The following TBC1D4 variants were observed in gnomAD, a reference collection of about 807,000 sequenced individuals.
TBC1D4 encodes TBC1 domain family member 4.
TBC1D4 carries 121 observed loss-of-function variants against 142.5 expected under a neutral mutation model. That is an observed-to-expected ratio of 0.85 (90% confidence interval 0.73 to 0.99). The LOEUF (loss-of-function observed/expected upper bound fraction) is 0.99. Among genes scored for constraint, TBC1D4 ranks in the 50% least tolerant of loss-of-function variants. The pLI, the probability that TBC1D4 is intolerant of heterozygous loss-of-function variation, is 0.00. For synonymous variants in TBC1D4, 630 were observed against 628.2 expected, an observed-to-expected ratio of 1.00 and a Z score of -0.04; for missense variants, 1,475 against 1,606.6, an observed-to-expected ratio of 0.92 and a Z score of 1.40.
Position 75,420,777 on chromosome 13 carries a change from G to A in TBC1D4, c.499-58170C>T, listed in dbSNP as rs141977281. Among the ~76,000 whole-genome samples the A allele has an allele frequency of 8.7e-3, 1,319 of 152,274 alleles. 24 individuals carry two copies. The highest frequency in any genetic ancestry group is 0.027 in the African/African-American group (1,129 of 41,544). On this transcript the variant is annotated intron_variant, in intron 1 of 20. Coordinates refer to ENST00000377636, the MANE Select transcript of TBC1D4 (RefSeq NM_014832.5). ...TAGTGGGGTACGCAGATGCAATGGG[G>A]ACAGGAAGAGAACAAGCAGTCCAAG...
Position 75,481,530 on chromosome 13 carries a change from G to C in TBC1D4, c.238C>G (p.Arg80Gly), listed in dbSNP as rs546086978. The change falls in exon 1 of 21, where the codon CGA becomes GGA. Residue 80 changes from arginine to glycine, a missense_variant. Around this residue, in one of 2 missense-constraint regions of TBC1D4, gnomAD observed 1,227 missense variants for 1,267.7 expected, o/e 0.97. Coordinates refer to ENST00000377636, the MANE Select transcript of TBC1D4 (RefSeq NM_014832.5). The stretch of plus-strand genomic sequence containing the variant: ...GCGCTGAGCACCAGGATCACCTCTC[G>C]GGCCGCCGGCGCCCCGCAGCCGCCC... ...EAGGCGAPAAREVILVLSAPF... is the reference protein window; with the variant it reads ...EAGGCGAPAAGEVILVLSAPF... 8.5e-5 allele frequency: 136 copies of C among 1,605,692 alleles called. No individual in the cohort carries two copies. The African/African-American group carries it at 1.0e-3, about 12-fold the overall frequency.
At chr13:75,357,361 T>C (rs1002086949) in intron 3 of TBC1D4, among the ~76,000 whole-genome samples, 7 of 152,122 alleles carry the variant, frequency 4.6e-5, no homozygotes, top group Admixed American at 3.9e-4. Flanking sequence ...TCCACACAGA[T>C]TAAATTTGCA....
chr13:75,404,748 A>T (rs1885249989), intron 1 of TBC1D4, among the ~76,000 whole-genome samples: 1 of 152,186 alleles, frequency 6.6e-6, no homozygotes, highest in African/African-American at 2.4e-5. Context: ...TTTTTTAAGT[A>T]TTTCACTAAA....
intron 12 of TBC1D4, among the ~76,000 whole-genome samples, chr13:75,313,368 T>C (rs1877973476): frequency 6.6e-6 from 1 of 152,238 alleles, no homozygotes; most frequent in African/African-American, 2.4e-5. Context: ...TGTCTCTGAA[T>C]GGTCAGCTAC....
Position 75,362,690 on chromosome 13 carries a change from G to T in TBC1D4, c.499-83C>A. On this transcript the variant is annotated intron_variant, in intron 1 of 20. Coordinates refer to ENST00000377636, the MANE Select transcript of TBC1D4 (RefSeq NM_014832.5). This position sits in a 1 kb window ranked among gnomAD's most constrained non-coding sequence, Gnocchi z 4.2. ...TACCTAGCCCAATTATTACCACATG[G>T]AATGTATTTTCATCCTAAATAATAT... The T allele has an allele frequency of 7.0e-7, 1 of 1,428,974 alleles. No individual in the cohort carries two copies. Among genetic ancestry groups the T allele is most frequent in the Non-Finnish European group, 9.8e-7 (1 of 1,024,660 alleles). 88.5% of individuals were successfully genotyped at this position (1,428,974 alleles called of 1,614,324 possible).
intron 1 of TBC1D4, among the ~76,000 whole-genome samples, chr13:75,390,217 T>A (rs943721001): frequency 3.8e-4 from 55 of 143,756 alleles, no homozygotes; most frequent in East Asian, 4.1e-4. Context: ...GAGGCAGAGG[T>A]TGCAGTGAGC....
intron 1 of TBC1D4, among the ~76,000 whole-genome samples, chr13:75,420,356 C>CA (rs201226256): frequency 2.0e-5 from 3 of 150,606 alleles, no homozygotes; most frequent in East Asian, 3.9e-4. Context: ...AAAATAGTTA[C>CA]AAAAAAAAAG....
At chr13:75,462,268 T>A (rs2138286873) in intron 1 of TBC1D4, among the ~76,000 whole-genome samples, 1 of 152,276 alleles carries the variant, frequency 6.6e-6, no homozygotes, top group African/African-American at 2.4e-5. Flanking sequence ...CAGATGCAAA[T>A]GTGTCCGAGG....
At chr13:75,329,969 T>C (rs577638804) in intron 8 of TBC1D4, among the ~76,000 whole-genome samples, 1 of 152,362 alleles carries the variant, frequency 6.6e-6, no homozygotes, top group Non-Finnish European at 1.5e-5. Context: ...TGCCTTAGCA[T>C]GACTTTTACA....
intron 1 of TBC1D4, among the ~76,000 whole-genome samples, chr13:75,365,211 T>C (rs1441685840): frequency 6.6e-6 from 1 of 152,232 alleles, no homozygotes; most frequent in Non-Finnish European, 1.5e-5. Flanking sequence ...TTTAAGATGC[T>C]AATATTACAA....
intron 1 of TBC1D4, among the ~76,000 whole-genome samples, chr13:75,407,864 A>G (rs886313622): frequency 1.3e-5 from 2 of 152,118 alleles, no homozygotes; most frequent in African/African-American, 4.8e-5. Context: ...CAGGAGAGAG[A>G]AAATAGAAAA....
At chr13:75,320,899 G>T (rs866688817) in intron 11 of TBC1D4, among the ~76,000 whole-genome samples, 30 of 150,226 alleles carry the variant, frequency 2.0e-4, no homozygotes, top group Non-Finnish European at 3.3e-4. Context: ...AATTAGCCGG[G>T]CATGGTGGCG....
chr13:75,312,643 TA>T (rs1877889071), intron 13 of TBC1D4, 94 bp downstream of exon 13: 1 of 1,495,744 alleles, frequency 6.7e-7, no homozygotes, highest in African/African-American at 1.4e-5. Context: ...TTCTACACTG[TA>T]ATCACTTAAA....
chr13:75,313,483 T>C (rs1431221663), intron 12 of TBC1D4, among the ~76,000 whole-genome samples: 1 of 152,180 alleles, frequency 6.6e-6, no homozygotes, highest in East Asian at 1.9e-4. Flanking sequence ...TCAAATAAGA[T>C]TGGATGGCTA....
chr13:75,313,002 A>G, intron 12 of TBC1D4, 104 bp from the exon 13 acceptor site: 2 of 1,294,026 alleles, frequency 1.5e-6, no homozygotes, highest in South Asian at 2.5e-5. Flanking sequence ...GTCACGGGCA[A>G]GCACAAGCCA....
chr13:75,297,769 A>G, intron 17 of TBC1D4, among the ~76,000 whole-genome samples: 1 of 151,236 alleles, frequency 6.6e-6, no homozygotes, highest in East Asian at 2.0e-4. Flanking sequence ...AAAAAAAAAA[A>G]AACGATAAAA....
At chr13:75,411,235 A>G (rs1338060448) in intron 1 of TBC1D4, among the ~76,000 whole-genome samples, 4 of 152,184 alleles carry the variant, frequency 2.6e-5, no homozygotes, top group Non-Finnish European at 5.9e-5. Flanking sequence ...GAAATACATA[A>G]TAAAATCTTC....
intron 16 of TBC1D4, among the ~76,000 whole-genome samples, chr13:75,300,826 G>A (rs1240302566): frequency 6.6e-6 from 1 of 152,110 alleles, no homozygotes; most frequent in Non-Finnish European, 1.5e-5. Context: ...CCACAGATTT[G>A]CTTGGGAACA....
At chr13:75,352,218 T>C (rs1163596801) in intron 4 of TBC1D4, among the ~76,000 whole-genome samples, 2 of 152,162 alleles carry the variant, frequency 1.3e-5, no homozygotes, top group African/African-American at 2.4e-5. Flanking sequence ...TTGTTACAGA[T>C]GTAAATTTAC....
Sources: allele counts gnomAD v4.1 joint callset (sites outside exome capture counted in the v4.1 genomes callset), GRCh38; gene constraint gnomAD v4.1.1; regional missense constraint gnomAD v4.1.1; non-coding constraint Gnocchi (gnomAD v3.1); transcripts MANE v1.5; gene names NCBI Gene and HGNC (gene_info 2026-07-23, HGNC 2026-07-21).